DENND1B: variants seen among roughly 807,000 people sequenced by gnomAD.
DENND1B encodes the protein DENN domain containing 1B.
Under a neutral mutation model 90.1 loss-of-function variants are expected in DENND1B, and 59 were observed. That is an observed-to-expected ratio of 0.65 (90% confidence interval 0.53 to 0.81). The LOEUF is 0.81. Among genes scored for constraint, DENND1B ranks in the 40% least tolerant of loss-of-function variants. The probability of loss-of-function intolerance (pLI) is 0.00; values close to 1 mark genes in which losing one functional copy is unlikely to be tolerated. For missense variants in DENND1B, 862 were observed against 912.6 expected (o/e 0.94, Z 0.71); for synonymous variants, 337 against 324.6 (o/e 1.04, Z -0.41).
chr1:197,545,656 C>A, intron 18 of DENND1B: 1 of 347,938 alleles, frequency 2.9e-6, no homozygotes, highest in Non-Finnish European at 5.1e-6. Flanking sequence ...GGTACCCCAT[C>A]AATAACTGTT....
At chr1:197,697,250 G>A (rs1175547028) in intron 3 of DENND1B, among the ~76,000 whole-genome samples, 2 of 151,334 alleles carry the variant, frequency 1.3e-5, no homozygotes, top group Non-Finnish European at 3.0e-5. Context: ...TGATAGCAGG[G>A]GATTTTTTTT....
chr1:197,612,537 A>C (rs1377193116), intron 11 of DENND1B, among the ~76,000 whole-genome samples: 1 of 150,662 alleles, frequency 6.6e-6, no homozygotes, highest in Non-Finnish European at 1.5e-5. Context: ...GGATGTACAA[A>C]AGGAAACAAC....
chr1:197,743,458 C>T (rs1663406322), intron 2 of DENND1B, among the ~76,000 whole-genome samples: 1 of 152,162 alleles, frequency 6.6e-6, no homozygotes, highest in South Asian at 2.1e-4. Context: ...ATCTTCTGAG[C>T]CTTCAGCAAG....
chr1:197,778,983 C>T (rs901690806), upstream of DENND1B, among the ~76,000 whole-genome samples: 4 of 152,102 alleles, frequency 2.6e-5, no homozygotes, highest in Non-Finnish European at 5.9e-5. Flanking sequence ...CTAAAACCCC[C>T]TCAAAACTAA....
chr1:197,561,721 C>G (rs1672182169), intron 15 of DENND1B, among the ~76,000 whole-genome samples: 1 of 151,910 alleles, frequency 6.6e-6, no homozygotes, highest in African/African-American at 2.4e-5. Context: ...CTTCTGCCCA[C>G]AGTCTTCCCA....
intron 3 of DENND1B, chr1:197,690,189 G>C (rs1030571835): frequency 3.4e-6 from 1 of 293,322 alleles, no homozygotes; most frequent in Non-Finnish European, 6.7e-6. Flanking sequence ...TGTGGGCTTC[G>C]ATGTCAAGAA....
chr1:197,595,223 T>A lies in DENND1B; in HGVS notation c.1032A>T (p.Ala344=). 1 of 1,612,572 alleles carries A rather than the reference T, an allele frequency of 6.2e-7. No homozygotes were observed. Among genetic ancestry groups the A allele is most frequent in the Non-Finnish European group, 8.5e-7 (1 of 1,179,090 alleles). The change falls in exon 14 of 23, where the codon GCA becomes GCT. Residue 344 remains alanine (A), a synonymous_variant. Transcript: ENST00000620048. ...AAACGCTTACAGGTTTGTATCTCAG[T>A]GCATCTCTGTAGGATCCAAACAAAG... ...QAALFGSYRD[A]LRYKPGEPIT...
rs560056447 is a variant in DENND1B, at chr1:197,511,031, T to C, written c.1816-59A>G. The C allele has an allele frequency of 5.0e-6, 7 of 1,389,862 alleles. No homozygotes were observed. In the East Asian group the frequency reaches 1.8e-4, roughly 36 times the overall value. The allele number at this position is 1,389,862 out of a possible 1,614,324, so 86.1% of individuals were successfully genotyped here. A position where few individuals can be genotyped will look rare whatever the true frequency, so the allele number is the denominator to read the frequency against. On this transcript the variant is annotated intron_variant, in intron 22 of 22. Coordinates refer to ENST00000620048, the MANE Select transcript of DENND1B (RefSeq NM_001195215.2). ...CTTTTAATAAGCATTAATTTAGTTCTTTTTTCTCTTTTGAAATAAATGTTA... is the reference window on the plus strand; with the variant it reads ...CTTTTAATAAGCATTAATTTAGTTCCTTTTTCTCTTTTGAAATAAATGTTA...
intron 3 of DENND1B, among the ~76,000 whole-genome samples, chr1:197,694,511 C>G (rs954661145): frequency 2.6e-5 from 4 of 151,180 alleles, no homozygotes; most frequent in African/African-American, 7.3e-5. Flanking sequence ...TTTTTTCTCC[C>G]GACTTCAGGA....
chr1:197,623,544 T>C (rs997101980), intron 10 of DENND1B, among the ~76,000 whole-genome samples: 2 of 151,552 alleles, frequency 1.3e-5, no homozygotes, highest in African/African-American at 4.8e-5. Flanking sequence ...AAATTTTACA[T>C]AATGCAAAAA....
chr1:197,727,370 C>T (rs1661735094), intron 2 of DENND1B, among the ~76,000 whole-genome samples: 2 of 151,890 alleles, frequency 1.3e-5, no homozygotes, highest in South Asian at 4.2e-4. Flanking sequence ...CCCATCTCTA[C>T]TAAAAATACA....
intron 10 of DENND1B, among the ~76,000 whole-genome samples, chr1:197,631,425 A>G (rs1404362203): frequency 6.6e-6 from 1 of 152,096 alleles, no homozygotes; most frequent in Non-Finnish European, 1.5e-5. Context: ...AGTTAGGACT[A>G]AAACACAAAT....
rs781441214 is a variant in DENND1B, at chr1:197,546,006, A to G, written c.1282-16T>C. On this transcript the variant is annotated splice_polypyrimidine_tract_variant and intron_variant, in intron 17 of 22. Transcript: ENST00000620048. Reference sequence around the variant, plus strand: ...CACCTCCTTTCTGCAAAAGAAAAACAGAAACATATTTCCAAAAACTTTTAG... The same window carrying G: ...CACCTCCTTTCTGCAAAAGAAAAACGGAAACATATTTCCAAAAACTTTTAG... 2.2e-5 allele frequency: 35 copies of G among 1,585,484 alleles called. No individual in the cohort carries two copies. The highest frequency in any genetic ancestry group is 3.0e-5 in the Non-Finnish European group (35 of 1,171,700).
chr1:197,769,772 G>A lies in DENND1B; in HGVS notation c.82+3096C>T, dbSNP rs567971419. On this transcript the variant is annotated intron_variant, in intron 2 of 22. Coordinates refer to ENST00000620048, the MANE Select transcript of DENND1B (RefSeq NM_001195215.2). Reference sequence around the variant, plus strand: ...TAATGTTAGCAAAAAAAAAATTATCGTACCTTAAACAAGCTGATAATGCAC... The same window carrying A: ...TAATGTTAGCAAAAAAAAAATTATCATACCTTAAACAAGCTGATAATGCAC... 1.3e-4 allele frequency among the ~76,000 whole-genome samples: 19 copies of A among 151,728 alleles called. No homozygotes were observed. The East Asian group carries it at 3.3e-3, about 26-fold the overall frequency.
intron 3 of DENND1B, among the ~76,000 whole-genome samples, chr1:197,688,408 T>A (rs1478281642): frequency 1.3e-5 from 2 of 152,140 alleles, no homozygotes; most frequent in African/African-American, 2.4e-5. Flanking sequence ...TCATATTTCC[T>A]GATTTCAAAG....
chr1:197,511,613 C>T, intron 22 of DENND1B, 115 bp downstream of exon 22: 1 of 620,412 alleles, frequency 1.6e-6, no homozygotes, highest in South Asian at 5.0e-5. Flanking sequence ...AAGTTTTGAC[C>T]CTTACCTACT....
Position 197,560,965 on chromosome 1 carries a change from G to A in DENND1B, c.1150-7853C>T, listed in dbSNP as rs1430285500. ...ACATTTACCTACCTCACCCATCTGC[G>A]CTCACAGACTGCCTTTTCTCCTGTT... is the stretch of plus-strand genomic sequence containing the variant. On this transcript the variant is annotated intron_variant, in intron 15 of 22. Coordinates refer to ENST00000620048, the MANE Select transcript of DENND1B (RefSeq NM_001195215.2). Among the ~76,000 whole-genome samples the A allele has an allele frequency of 3.3e-5, 5 of 151,846 alleles. No homozygotes were observed. In the East Asian group the frequency reaches 5.8e-4, roughly 18 times the overall value.
At chr1:197,560,527 G>GC (rs1672076414) in intron 15 of DENND1B, among the ~76,000 whole-genome samples, 1 of 151,850 alleles carries the variant, frequency 6.6e-6, no homozygotes, top group Admixed American at 6.6e-5. Flanking sequence ...CATGAAGACA[G>GC]CATTTAAGCC....
Position 197,519,428 on chromosome 1 carries a change from T to C in DENND1B, c.1516-6475A>G, listed in dbSNP as rs2125608858. Among the ~76,000 whole-genome samples, 3 of 152,046 alleles carry C rather than the reference T, an allele frequency of 2.0e-5. No homozygotes were observed. In the East Asian group the frequency reaches 5.8e-4, roughly 30 times the overall value. ...GTCCATGAGGCACAGAAGGGTATTA[T>C]ATTCATTCATTCAACAAAGATTAAA... On this transcript the variant is annotated intron_variant, in intron 20 of 22. Transcript: ENST00000620048.
Sources: gnomAD v4.1 joint callset for allele counts (sites outside exome capture counted in the v4.1 genomes callset) on GRCh38, gnomAD v4.1.1 for gene constraint, MANE v1.5 for transcripts, NCBI Gene and HGNC (gene_info 2026-07-23, HGNC 2026-07-21) for gene names.